Variants in USP28 observed in about 807,000 individuals in gnomAD.
USP28 encodes the protein ubiquitin specific peptidase 28.
USP28 carries 113 observed loss-of-function variants against 145.0 expected under a neutral mutation model. The observed-to-expected ratio is 0.78, with a 90% CI of 0.67 to 0.91. The LOEUF (loss-of-function observed/expected upper bound fraction) is 0.91. Ranked by LOEUF, USP28 falls within the 40% of genes least tolerant of loss-of-function variation. The pLI is 0.00. For missense variants in USP28, 1,201 were observed against 1,289.6 expected, an observed-to-expected ratio of 0.93 and a Z score of 1.05; for synonymous variants, 447 against 450.9, an observed-to-expected ratio of 0.99 and a Z score of 0.11.
intron 3 of USP28, among the ~76,000 whole-genome samples, chr11:113,846,546 G>T (rs1354436263): frequency 6.6e-6 from 1 of 152,106 alleles, no homozygotes; most frequent in African/African-American, 2.4e-5. Context: ...GTAACATTCT[G>T]GGGGTTGTTT....
intron 1 of USP28, among the ~76,000 whole-genome samples, chr11:113,871,401 G>C (rs1948799697): frequency 6.6e-6 from 1 of 152,158 alleles, no homozygotes; most frequent in African/African-American, 2.4e-5. Context: ...ATCAGAGTTT[G>C]TCAAGCTCAG....
chr11:113,827,282 C>G, exon 11 of USP28: 1 of 1,613,000 alleles, frequency 6.2e-7, no homozygotes, highest in Non-Finnish European at 8.5e-7. Context: ...TGAATTTTCT[C>G]TGGCTGCCCA....
intron 5 of USP28, 38 bp downstream of exon 5, chr11:113,840,560 T>C: frequency 6.3e-7 from 1 of 1,584,386 alleles, no homozygotes; most frequent in Non-Finnish European, 8.6e-7. Flanking sequence ...TACAAAGTTA[T>C]TTCCAAAAGA....
chr11:113,802,304 A>AT (rs1257827651), intron 23 of USP28, among the ~76,000 whole-genome samples: 1 of 152,280 alleles, frequency 6.6e-6, no homozygotes, highest in Non-Finnish European at 1.5e-5. Context: ...TCAGCTTCAA[A>AT]GTGGCCCTGC....
intron 19 of USP28, among the ~76,000 whole-genome samples, chr11:113,805,970 C>T (rs1939881347): frequency 6.6e-6 from 1 of 152,020 alleles, no homozygotes; most frequent in Non-Finnish European, 1.5e-5. Flanking sequence ...ACTCTGTCAC[C>T]CAGACTGGAA....
chr11:113,839,611 A>G (rs939929989), intron 5 of USP28, among the ~76,000 whole-genome samples: 2 of 152,148 alleles, frequency 1.3e-5, no homozygotes, highest in African/African-American at 4.8e-5. Context: ...ACATTGCGCC[A>G]GGTGCAGCGG....
At chr11:113,800,780 A>G (rs989919763) in intron 24 of USP28, among the ~76,000 whole-genome samples, 1 of 152,036 alleles carries the variant, frequency 6.6e-6, no homozygotes, top group African/African-American at 2.4e-5. Flanking sequence ...AATATGCTAT[A>G]TAACTTCAAG....
At chr11:113,873,190 T>C (rs1565530270) in intron 1 of USP28, among the ~76,000 whole-genome samples, 1 of 152,236 alleles carries the variant, frequency 6.6e-6, no homozygotes. Flanking sequence ...GAAGAAGTTA[T>C]TAAAATCTTT....
intron 16 of USP28, among the ~76,000 whole-genome samples, chr11:113,811,789 T>TA (rs1454617298): frequency 1.3e-5 from 2 of 151,974 alleles, no homozygotes; most frequent in Admixed American, 1.3e-4. Flanking sequence ...AAGATGTCAC[T>TA]AAAAACAACA....
At chr11:113,857,495 T>G (rs530199120) in intron 1 of USP28, among the ~76,000 whole-genome samples, 1 of 152,316 alleles carries the variant, frequency 6.6e-6, no homozygotes, top group Middle Eastern at 3.4e-3. Flanking sequence ...GTGTAAATTT[T>G]TAAGTGACAT....
intron 9 of USP28, among the ~76,000 whole-genome samples, chr11:113,829,824 C>A (rs1482676667): frequency 6.9e-4 from 72 of 104,630 alleles, no homozygotes; most frequent in African/African-American, 1.7e-3. Flanking sequence ...GGACTTGTCT[C>A]AAAAAAAAAA....
exon 10 of USP28, chr11:113,829,313 G>T: frequency 1.2e-6 from 2 of 1,614,136 alleles, no homozygotes; most frequent in Non-Finnish European, 1.7e-6. Flanking sequence ...AGAGGATACT[G>T]GCCGAAGGTC....
chr11:113,830,760 A>G, intron 9 of USP28, 107 bp downstream of exon 9: 1 of 986,276 alleles, frequency 1.0e-6, no homozygotes, highest in Non-Finnish European at 1.5e-6. Flanking sequence ...TTCAGAGCTG[A>G]GTACTGCTGA....
At position 113,815,168 on chromosome 11, in the gene USP28, G is replaced by A; in HGVS notation, c.1672+6C>T. The A allele has an allele frequency of 6.2e-7, 1 of 1,610,582 alleles. No individual in the cohort carries two copies. Among genetic ancestry groups the A allele is most frequent in the Non-Finnish European group, 8.5e-7 (1 of 1,179,424 alleles). ...AGAGTAACTGACAAATTTTAAAAGA[G>A]CCAACCTTGTATATCTTGTTCAATC... On this transcript the variant is annotated splice_donor_region_variant and intron_variant, in intron 14 of 24. Transcript: ENST00000003302.
exon 1 of USP28, chr11:113,875,542 A>AGCCGCC: frequency 2.6e-6 from 3 of 1,134,274 alleles, no homozygotes; most frequent in Non-Finnish European, 3.2e-6. Flanking sequence ...CTCCCGCCGC[A>AGCCGCC]GCCGCCGCCG....
At chr11:113,864,810 A>T (rs1336363919) in intron 1 of USP28, among the ~76,000 whole-genome samples, 1 of 152,202 alleles carries the variant, frequency 6.6e-6, no homozygotes, top group Non-Finnish European at 1.5e-5. Flanking sequence ...GTCTGCATAC[A>T]TACCTCATGG....
chr11:113,832,004 G>C lies in USP28; in HGVS notation c.760-11C>G. ...TTCACTCACATCTTGCTATAAGAGA[G>C]GCACAAATTGCATAAAAGTTAGATG... On this transcript the variant is annotated splice_polypyrimidine_tract_variant and intron_variant, in intron 7 of 24. Transcript: ENST00000003302. 2 of 1,610,782 alleles carry C rather than the reference G, an allele frequency of 1.2e-6. No homozygotes were observed. The highest frequency in any genetic ancestry group is 1.7e-6 in the Non-Finnish European group (2 of 1,179,052).
intron 3 of USP28, among the ~76,000 whole-genome samples, chr11:113,844,792 A>G (rs1054391923): frequency 6.6e-6 from 1 of 152,138 alleles, no homozygotes; most frequent in Non-Finnish European, 1.5e-5. Context: ...AACTTTGTGC[A>G]CTGTTGGTGG....
chr11:113,820,161 A>G (rs1378267905), intron 12 of USP28: 1 of 152,152 alleles, frequency 6.6e-6, no homozygotes, highest in Non-Finnish European at 1.5e-5. Flanking sequence ...TAACCTACCA[A>G]CTGGGACCTA....
Sources: gnomAD v4.1 joint callset for allele counts (sites outside exome capture counted in the v4.1 genomes callset) on GRCh38, gnomAD v4.1.1 for gene constraint, MANE v1.5 for transcripts, NCBI Gene and HGNC (gene_info 2026-07-23, HGNC 2026-07-21) for gene names.